Variants in DKKL1 observed in about 807,000 individuals in gnomAD.
The protein encoded by DKKL1 is dickkopf like acrosomal protein 1, also known as dickkopf-like protein 1.
In DKKL1, 11 loss-of-function variants were observed where a neutral mutation model predicts 16.5. The ratio of observed to expected loss-of-function variants is 0.67; its 90% CI spans 0.42 to 1.10. The LOEUF (loss-of-function observed/expected upper bound fraction) is 1.10, where lower values mean the gene tolerates loss of function less well. Ranked by LOEUF, DKKL1 falls within the 50% of genes least tolerant of loss-of-function variation. The probability of loss-of-function intolerance (pLI) is 0.00; values close to 1 mark genes in which losing one functional copy is unlikely to be tolerated. For synonymous variants in DKKL1, 119 were observed against 133.2 expected, an observed-to-expected ratio of 0.89 and a Z score of 0.73; for missense variants, 320 against 308.1, an observed-to-expected ratio of 1.04 and a Z score of -0.29.
chr19:49,362,649 T>C (rs1213695499), upstream of DKKL1, among the ~76,000 whole-genome samples: 1 of 149,920 alleles, frequency 6.7e-6, no homozygotes, highest in Non-Finnish European at 1.5e-5. Flanking sequence ...AAAAGGCTGA[T>C]AGGAGCCAGA....
chr19:49,363,661 G>C, upstream of DKKL1: 1 of 404,418 alleles, frequency 2.5e-6, no homozygotes, highest in Non-Finnish European at 4.7e-6. Context: ...GTCAACTGAC[G>C]TGGGCGTGGT....
At chr19:49,373,055 G>A (rs943925438) in intron 4 of DKKL1, among the ~76,000 whole-genome samples, 16 of 151,816 alleles carry the variant, frequency 1.1e-4, no homozygotes, top group African/African-American at 3.6e-4. Context: ...TGTAATCCCA[G>A]CACTTTGGGA....
chr19:49,374,838 A>T lies in DKKL1; in HGVS notation c.539A>T (p.His180Leu). The change falls in exon 5 of 5, where the codon CAC (histidine) becomes CTC (leucine). Residue 180 changes from histidine to leucine, a missense_variant. Transcript: ENST00000221498. ...WIIKLPRRRSHQDALEGGHWL... is the reference protein window; with the variant it reads ...WIIKLPRRRSLQDALEGGHWL... ...ATTAAGCTGCCACGGCGGAGGTCCCACCAGGATGCCCTGGAGGGCGGCCAC... is the reference window on the plus strand; with the variant it reads ...ATTAAGCTGCCACGGCGGAGGTCCCTCCAGGATGCCCTGGAGGGCGGCCAC... 6.2e-7 allele frequency: 1 copy of T among 1,613,784 alleles called. No individual in the cohort carries two copies. Among genetic ancestry groups the T allele is most frequent in the Non-Finnish European group, 8.5e-7 (1 of 1,179,862 alleles).
upstream of DKKL1, chr19:49,362,497 G>C (rs1243658407): frequency 6.6e-6 from 1 of 152,256 alleles, no homozygotes; most frequent in Non-Finnish European, 1.5e-5. Flanking sequence ...GGCGGACAGC[G>C]GGAAGGGGGA....
chr19:49,369,911 C>A (rs548605813), intron 4 of DKKL1: 20 of 152,202 alleles, frequency 1.3e-4, no homozygotes, highest in African/African-American at 4.6e-4. Flanking sequence ...CTGTCCATGG[C>A]GAATCCATGG....
At chr19:49,363,234 G>A (rs1349202418), upstream of DKKL1, 2 of 152,556 alleles carry the variant, frequency 1.3e-5, no homozygotes, top group Non-Finnish European at 2.9e-5. Context: ...GGGGGCGGGA[G>A]TCCGGACCTG....
chr19:49,361,502 C>G (rs889424641), upstream of DKKL1: 1 of 152,432 alleles, frequency 6.6e-6, no homozygotes, highest in African/African-American at 2.4e-5. Context: ...ATCAGAAGAG[C>G]CAGAACAAAG....
chr19:49,363,740 T>C (rs1973114285), upstream of DKKL1: 1 of 563,780 alleles, frequency 1.8e-6, no homozygotes, highest in Admixed American at 2.8e-5. Flanking sequence ...GAACGAAGGA[T>C]GGGGCGTGGC....
chr19:49,368,276 G>A (rs1973336817), intron 4 of DKKL1, among the ~76,000 whole-genome samples: 3 of 150,748 alleles, frequency 2.0e-5, no homozygotes, highest in Admixed American at 6.6e-5. Context: ...TCATGTCACT[G>A]CACTCCAGCC....
At chr19:49,372,260 C>T (rs1323892332) in intron 4 of DKKL1, among the ~76,000 whole-genome samples, 1 of 152,166 alleles carries the variant, frequency 6.6e-6, no homozygotes, top group Non-Finnish European at 1.5e-5. Flanking sequence ...GCTCTATCCA[C>T]TAGAGAGAAG....
intron 4 of DKKL1, among the ~76,000 whole-genome samples, chr19:49,373,217 C>T (rs1202899333): frequency 6.6e-6 from 1 of 150,554 alleles, no homozygotes; most frequent in Non-Finnish European, 1.5e-5. Flanking sequence ...GTGGGAGAAT[C>T]GCTTGAACCC....
upstream of DKKL1, among the ~76,000 whole-genome samples, chr19:49,360,980 G>GAGA (rs1447564576): frequency 2.9e-5 from 3 of 103,018 alleles, 1 homozygote; most frequent in African/African-American, 1.2e-4. Context: ...CAGAGACCCA[G>GAGA]AGAGAGAGGG....
chr19:49,364,520 AG>A, intron 1 of DKKL1, 61 bp from the exon 2 acceptor site: 2 of 1,466,402 alleles, frequency 1.4e-6, no homozygotes, highest in South Asian at 2.6e-5. Context: ...GGTGCTGGAG[AG>A]GGGCGTCTTG....
upstream of DKKL1, among the ~76,000 whole-genome samples, chr19:49,361,241 C>CAG (rs773093268): frequency 7.8e-5 from 3 of 38,280 alleles, no homozygotes; most frequent in Non-Finnish European, 1.4e-4. Context: ...GACAGAGACC[C>CAG]AGAGAGAGGG....
At chr19:49,365,437 C>A in intron 2 of DKKL1, 72 bp from the exon 3 acceptor site, 1 of 1,484,256 alleles carries the variant, frequency 6.7e-7, no homozygotes. Context: ...AGCATCCTAG[C>A]AGGGCTGCAG....
Position 49,365,826 on chromosome 19 carries a change from T to C in DKKL1, c.358T>C (p.Ser120Pro), listed in dbSNP as rs768059348. Residue 120 changes from serine to proline, a missense_variant, in exon 4 of 5, where the codon TCC (serine) becomes CCC (proline). Physicochemically the swap from Ser to Pro is moderately conservative, Grantham distance 74. Transcript: ENST00000221498. Reference sequence around the variant, plus strand: ...CAACAAGACAGGAGAGGTGCTGATCTCCGAGAATGTGGTGGCATCCATTCA... The same window carrying C: ...CAACAAGACAGGAGAGGTGCTGATCCCCGAGAATGTGGTGGCATCCATTCA... ...TDNKTGEVLISENVVASIQPA... is the reference protein window; with the variant it reads ...TDNKTGEVLIPENVVASIQPA... 4 of 1,614,020 alleles carry C rather than the reference T, an allele frequency of 2.5e-6. No individual in the cohort carries two copies. In the African/African-American group the frequency reaches 5.3e-5, roughly 22 times the overall value.
Position 49,375,033 on chromosome 19 carries a change from G to T in DKKL1, c.*5G>T. The T allele has an allele frequency of 6.3e-7, 1 of 1,591,578 alleles. No individual in the cohort carries two copies. The highest frequency in any genetic ancestry group is 8.6e-7 in the Non-Finnish European group (1 of 1,168,830). ...AGGCCCTCTCGGCAGCTGTAGGGGT[G>T]GGGACCGGGGAGCACCTGCCTGTAG... On this transcript the variant is annotated 3_prime_UTR_variant, in exon 5 of 5. Transcript: ENST00000221498.
chr19:49,367,406 C>CTTTTTTT (rs10648468), intron 4 of DKKL1, among the ~76,000 whole-genome samples: 45 of 131,798 alleles, frequency 3.4e-4, no homozygotes, highest in African/African-American at 1.3e-3. Context: ...CTTTGGTAAA[C>CTTTTTTT]TTTTTTTTTT....
intron 2 of DKKL1, 108 bp downstream of exon 2, chr19:49,364,862 A>G: frequency 7.3e-7 from 1 of 1,370,566 alleles, no homozygotes; most frequent in Non-Finnish European, 1.0e-6. Flanking sequence ...ATGAGAGGGC[A>G]ACAGGGAGAC....
Sources: gnomAD v4.1 joint callset for allele counts (sites outside exome capture counted in the v4.1 genomes callset) on GRCh38, gnomAD v4.1.1 for gene constraint, MANE v1.5 for transcripts, NCBI Gene and HGNC (gene_info 2026-07-23, HGNC 2026-07-21) for gene names.